GRID2: variants seen among roughly 807,000 people sequenced by gnomAD.
GRID2 encodes the protein glutamate ionotropic receptor delta type subunit 2.
GRID2 carries 33 observed loss-of-function variants against 114.8 expected under a neutral mutation model. That is an observed-to-expected ratio of 0.29 (90% CI 0.22 to 0.38). The LOEUF is 0.38. GRID2 is among the 10% of genes least tolerant of loss of function. The pLI, the probability that GRID2 is intolerant of heterozygous loss-of-function variation, is 1.00. For synonymous variants in GRID2, 505 were observed against 449.9 expected (o/e 1.12, Z -1.55); for missense variants, 1,184 against 1,257.7 (o/e 0.94, Z 0.89).
intron 5 of GRID2, among the ~76,000 whole-genome samples, chr4:93,214,333 A>G (rs182577823): frequency 2.9e-4 from 44 of 152,138 alleles, no homozygotes; most frequent in African/African-American, 1.0e-3. Flanking sequence ...ACTTTTTTCC[A>G]TTTAAATGGA....
At position 92,910,455 on chromosome 4, in the gene GRID2, CATG is replaced by C. The variant is rs571331871; in HGVS notation, c.245-174537_245-174535del. On this transcript the variant is annotated intron_variant, in intron 2 of 15. Transcript: ENST00000282020. ...TAGTGGTAATTAAGCATTTGATTTACATGATTTTATTTGATTTAAAAAATAATT... is the reference window on the plus strand; with the variant it reads ...TAGTGGTAATTAAGCATTTGATTTACATTTTATTTGATTTAAAAAATAATT... 1.5e-4 allele frequency among the ~76,000 whole-genome samples: 23 copies of C among 152,240 alleles called. No individual in the cohort carries two copies. In the South Asian group the frequency reaches 4.8e-3, roughly 32 times the overall value.
intron 8 of GRID2, among the ~76,000 whole-genome samples, chr4:93,323,515 G>A (rs538547356): frequency 6.6e-6 from 1 of 152,288 alleles, no homozygotes; most frequent in Admixed American, 6.5e-5. Context: ...AATTAGGATT[G>A]TCTTGGCTAT....
chr4:92,894,074 T>C (rs1746983311), intron 2 of GRID2, among the ~76,000 whole-genome samples: 2 of 152,148 alleles, frequency 1.3e-5, no homozygotes, highest in African/African-American at 2.4e-5. Context: ...CTAGGTCAGC[T>C]CAAGGAGCTG....
intron 9 of GRID2, among the ~76,000 whole-genome samples, chr4:93,413,401 T>C (rs992616364): frequency 3.3e-5 from 5 of 152,318 alleles, no homozygotes; most frequent in African/African-American, 7.2e-5. Flanking sequence ...GTTTTCTTTA[T>C]AGAAGTGTCT....
At chr4:92,961,757 TTC>T (rs1752830540) in intron 2 of GRID2, among the ~76,000 whole-genome samples, 1 of 151,128 alleles carries the variant, frequency 6.6e-6, no homozygotes, top group Non-Finnish European at 1.5e-5. Flanking sequence ...CAAATATTTC[TTC>T]TCTTTTTTTT....
chr4:93,100,839 A>G (rs1485119008), intron 3 of GRID2, among the ~76,000 whole-genome samples: 3 of 152,100 alleles, frequency 2.0e-5, no homozygotes, highest in South Asian at 2.1e-4. Context: ...ATTGAATTCA[A>G]TATTTTAAAA....
chr4:93,008,668 T>C (rs1350428210), intron 2 of GRID2, among the ~76,000 whole-genome samples: 2 of 152,120 alleles, frequency 1.3e-5, no homozygotes, highest in African/African-American at 2.4e-5. Context: ...TTGATGTAAA[T>C]CATCTACTTC....
rs956156602 is a variant in GRID2, at chr4:93,787,791, G to T, written c.221+18341G>T. On this transcript the variant is annotated intron_variant, in intron 1 of 1. Transcript: ENST00000637838. ...TGATTAACAATGACCATTATGGTGC[G>T]GTCAAGTTCAAGTGGAAATACATTC... is the stretch of plus-strand genomic sequence containing the variant. Among the ~76,000 whole-genome samples the T allele has an allele frequency of 3.9e-5, 6 of 152,178 alleles. No individual in the cohort carries two copies. The South Asian group carries it at 1.0e-3, about 26-fold the overall frequency.
intron 1 of GRID2, among the ~76,000 whole-genome samples, chr4:92,416,110 A>C (rs1307060679): frequency 6.6e-6 from 1 of 151,972 alleles, no homozygotes; most frequent in Non-Finnish European, 1.5e-5. Context: ...TGCAGGAAAA[A>C]GTTGGTATCT....
intron 4 of GRID2, among the ~76,000 whole-genome samples, chr4:93,140,383 C>G (rs1356890293): frequency 6.6e-6 from 1 of 152,134 alleles, no homozygotes; most frequent in African/African-American, 2.4e-5. Flanking sequence ...TGGTCTCTTT[C>G]TCCTGACCTC....
intron 2 of GRID2, among the ~76,000 whole-genome samples, chr4:92,714,618 A>G (rs1409808689): frequency 1.3e-5 from 2 of 152,180 alleles, no homozygotes; most frequent in African/African-American, 4.8e-5. Flanking sequence ...TCTGAAATCT[A>G]GGCAAAGGTT....
chr4:93,353,729 C>T (rs779678334), intron 8 of GRID2, among the ~76,000 whole-genome samples: 8 of 151,868 alleles, frequency 5.3e-5, no homozygotes, highest in Non-Finnish European at 1.0e-4. Flanking sequence ...AAAAATCATG[C>T]GTAATACAAG....
At position 92,872,565 on chromosome 4, in the gene GRID2, GA is replaced by G. The variant is rs936566973; in HGVS notation, c.245-212421del. On this transcript the variant is annotated intron_variant, in intron 2 of 15. Transcript: ENST00000282020. ...AATAAGAAAATCATTATTTTAATTT[GA>G]AAAAAAAATGTTAATACTCTTCTGC... 2.4e-4 allele frequency among the ~76,000 whole-genome samples: 36 copies of G among 150,768 alleles called. 1 individual carries two copies. Among genetic ancestry groups the G allele is most frequent in the East Asian group, 5.8e-4 (3 of 5,142 alleles).
intron 2 of GRID2, among the ~76,000 whole-genome samples, chr4:92,635,945 G>GA (rs985222552): frequency 5.3e-5 from 8 of 151,878 alleles, no homozygotes; most frequent in East Asian, 1.9e-4. Context: ...TCTGTTTTCT[G>GA]AAAAAAATGG....
intron 11 of GRID2, among the ~76,000 whole-genome samples, chr4:93,481,669 TTGTAA>T (rs1725877294): frequency 1.3e-5 from 2 of 152,186 alleles, no homozygotes; most frequent in South Asian, 4.1e-4. Context: ...ATTTAAACAA[TTGTAA>T]TGTAACCACA....
intron 2 of GRID2, among the ~76,000 whole-genome samples, chr4:93,077,312 A>G (rs6857940): frequency 0.43 from 65,506 of 152,018 alleles, 14,859 homozygotes; most frequent in Admixed American, 0.58. Flanking sequence ...GGTAGATAGC[A>G]GTAACTGAGA....
rs578140726 is a variant in GRID2, at chr4:92,536,230, T to G, written c.89-53901T>G. Reference sequence around the variant, plus strand: ...TTTGACAGAGTGCTGATTGGTGCATTTACAATCCTTTAACTAGACAGAAAA... The same window carrying G: ...TTTGACAGAGTGCTGATTGGTGCATGTACAATCCTTTAACTAGACAGAAAA... On this transcript the variant is annotated intron_variant, in intron 1 of 15. Coordinates refer to ENST00000282020, the MANE Select transcript of GRID2 (RefSeq NM_001510.4). Among the ~76,000 whole-genome samples the G allele has an allele frequency of 1.2e-4, 18 of 152,228 alleles. No homozygotes were observed. The South Asian group carries it at 2.1e-3, about 18-fold the overall frequency.
At chr4:93,463,978 G>T (rs1309710649) in intron 11 of GRID2, among the ~76,000 whole-genome samples, 1 of 151,890 alleles carries the variant, frequency 6.6e-6, no homozygotes, top group Non-Finnish European at 1.5e-5. Flanking sequence ...GACACAGCAA[G>T]ACTCCATCTC....
chr4:92,308,534 A>C (rs1725531823), intron 1 of GRID2, among the ~76,000 whole-genome samples: 1 of 152,284 alleles, frequency 6.6e-6, no homozygotes, highest in South Asian at 2.1e-4. Context: ...TATATTTGAG[A>C]AACCTAAGAT....
Sources: allele counts gnomAD v4.1 joint callset (sites outside exome capture counted in the v4.1 genomes callset), GRCh38; gene constraint gnomAD v4.1.1; transcripts MANE v1.5; gene names NCBI Gene and HGNC (gene_info 2026-07-23, HGNC 2026-07-21).